Variants in AGGF1 observed in about 807,000 individuals in gnomAD.
The protein encoded by AGGF1 is angiogenic factor with G-patch and FHA domains 1.
A neutral mutation model predicts 86.5 loss-of-function variants in AGGF1; 56 were observed. That is an observed-to-expected ratio of 0.65 (90% CI 0.52 to 0.81). AGGF1 has a LOEUF of 0.81. Ranked by LOEUF, AGGF1 falls within the 30% of genes least tolerant of loss-of-function variation. The probability of loss-of-function intolerance (pLI) is 0.00; values close to 1 mark genes in which losing one functional copy is unlikely to be tolerated. For missense variants in AGGF1, 816 were observed against 850.9 expected, an observed-to-expected ratio of 0.96 and a Z score of 0.51; for synonymous variants, 313 against 297.1, an observed-to-expected ratio of 1.05 and a Z score of -0.55.
chr5:77,049,732 T>A (rs1001027639), intron 8 of AGGF1, among the ~76,000 whole-genome samples: 2 of 152,166 alleles, frequency 1.3e-5, no homozygotes, highest in East Asian at 1.9e-4. Context: ...ATGTATTTCA[T>A]AGAGATGCAG....
rs1268972191 is a variant in AGGF1 at position 77,065,116 on chromosome 5, TA to T, written c.*1868del. 1.3e-5 allele frequency: 2 copies of T among 152,200 alleles called. No homozygotes were observed. The highest frequency in any genetic ancestry group is 3.8e-4 in the East Asian group (2 of 5,196). The allele number at this position is 152,200 out of a possible 1,614,324, so 9.4% of individuals were successfully genotyped here. A position where few individuals can be genotyped will look rare whatever the true frequency, so the allele number is the denominator to read the frequency against. ...TGAATAGCAAATGAGAAAATGTATA[TA>T]AAAGCACTTTGTAAATTGTAAAAGT... On this transcript the variant is annotated 3_prime_UTR_variant, in exon 14 of 14. Coordinates refer to ENST00000312916, the MANE Select transcript of AGGF1 (RefSeq NM_018046.5).
intron 12 of AGGF1, 78 bp downstream of exon 12, chr5:77,059,821 A>C: frequency 6.5e-7 from 1 of 1,533,922 alleles, no homozygotes; most frequent in Non-Finnish European, 9.0e-7. Flanking sequence ...GTTCAGGGCT[A>C]TATATCCTGA....
chr5:77,036,271 T>C (rs1466117811), intron 3 of AGGF1, among the ~76,000 whole-genome samples: 4 of 152,354 alleles, frequency 2.6e-5, no homozygotes, highest in African/African-American at 4.8e-5. Flanking sequence ...TTAGCCAATA[T>C]TTCAGGGTCT....
At chr5:77,061,663 A>G (rs1026387849) in intron 12 of AGGF1, 40 bp from the exon 13 acceptor site, 15 of 1,546,120 alleles carry the variant, frequency 9.7e-6, no homozygotes, top group South Asian at 2.2e-5. Flanking sequence ...GACCTAAAAG[A>G]TCTTTTATAA....
At chr5:77,036,840 T>C in intron 4 of AGGF1, 120 bp downstream of exon 4, 1 of 1,069,240 alleles carries the variant, frequency 9.4e-7, no homozygotes, top group Non-Finnish European at 1.4e-6. Context: ...CAGGTTCAAG[T>C]GATTCTTATG....
intron 7 of AGGF1, 47 bp downstream of exon 7, chr5:77,048,319 A>G (rs1332042630): frequency 2.1e-6 from 3 of 1,407,702 alleles, no homozygotes; most frequent in East Asian, 4.6e-5. Context: ...TATTTCAGAA[A>G]GGCTTTATTA....
intron 4 of AGGF1, among the ~76,000 whole-genome samples, chr5:77,039,167 CT>C (rs1327273510): frequency 1.3e-5 from 2 of 151,976 alleles, no homozygotes; most frequent in Non-Finnish European, 2.9e-5. Context: ...TCAGCTTTTT[CT>C]TATGCTTGCT....
At chr5:77,038,412 A>T (rs1432273345) in intron 4 of AGGF1, among the ~76,000 whole-genome samples, 1 of 152,192 alleles carries the variant, frequency 6.6e-6, no homozygotes, top group Non-Finnish European at 1.5e-5. Flanking sequence ...TTTCTGAGTA[A>T]ATTAGGAACT....
chr5:77,044,583 C>A (rs955605214), intron 5 of AGGF1, among the ~76,000 whole-genome samples: 1 of 152,024 alleles, frequency 6.6e-6, no homozygotes, highest in Non-Finnish European at 1.5e-5. Context: ...AATAGCTTTC[C>A]CTGCATATGT....
intron 11 of AGGF1, among the ~76,000 whole-genome samples, chr5:77,057,754 C>T (rs908684517): frequency 5.9e-5 from 9 of 152,174 alleles, no homozygotes; most frequent in East Asian, 5.8e-4. Flanking sequence ...TGGAAAGCAT[C>T]GCACCTTGGG....
intron 11 of AGGF1, among the ~76,000 whole-genome samples, chr5:77,058,099 A>G (rs781762631): frequency 6.6e-6 from 1 of 152,204 alleles, no homozygotes; most frequent in Admixed American, 6.5e-5. Flanking sequence ...TTTGGGAGAG[A>G]TGGATATGTT....
intron 11 of AGGF1, among the ~76,000 whole-genome samples, chr5:77,056,226 C>CTTTTT (rs770417117): frequency 7.7e-5 from 8 of 104,504 alleles, no homozygotes; most frequent in African/African-American, 1.8e-4. Flanking sequence ...AAAGAGTGGT[C>CTTTTT]TTTTTTTTTT....
chr5:77,033,172 C>T (rs568654880), intron 1 of AGGF1, among the ~76,000 whole-genome samples: 2 of 152,234 alleles, frequency 1.3e-5, no homozygotes, highest in Admixed American at 6.5e-5. Flanking sequence ...AGGGTGGATT[C>T]GATTAACTGT....
intron 8 of AGGF1, among the ~76,000 whole-genome samples, chr5:77,050,358 G>A (rs1055321132): frequency 1.9e-5 from 2 of 104,872 alleles, no homozygotes; most frequent in Non-Finnish European, 3.5e-5. Context: ...TCTTAACTGT[G>A]TTGCCCAGGC....
At chr5:77,052,878 C>A in intron 9 of AGGF1, 71 bp downstream of exon 9, 3 of 1,245,154 alleles carry the variant, frequency 2.4e-6, no homozygotes, top group Non-Finnish European at 3.5e-6. Flanking sequence ...TTCTGAAGGG[C>A]ATAATCTTTA....
chr5:77,055,874 TAGTCC>T (rs1219480575), intron 11 of AGGF1, among the ~76,000 whole-genome samples: 3 of 152,208 alleles, frequency 2.0e-5, no homozygotes, highest in African/African-American at 4.8e-5. Context: ...CTGTAGTTTG[TAGTCC>T]CTGGTACTTG....
intron 8 of AGGF1, among the ~76,000 whole-genome samples, chr5:77,051,454 T>A (rs558352429): frequency 3.7e-4 from 56 of 151,546 alleles, no homozygotes; most frequent in African/African-American, 1.4e-3. Flanking sequence ...AAAAGAGTTT[T>A]GGTAGTAATC....
chr5:77,056,640 T>C (rs1358361073), intron 11 of AGGF1, among the ~76,000 whole-genome samples: 1 of 150,586 alleles, frequency 6.6e-6, no homozygotes, highest in Non-Finnish European at 1.5e-5. Context: ...ATAAAAATGA[T>C]CCAAAAGTGG....
At chr5:77,046,069 A>G (rs1389757536) in intron 5 of AGGF1, among the ~76,000 whole-genome samples, 2 of 152,176 alleles carry the variant, frequency 1.3e-5, no homozygotes, top group Non-Finnish European at 2.9e-5. Flanking sequence ...ACAGATTTGG[A>G]TATATTTTGA....
Sources: gnomAD v4.1 joint callset for allele counts (sites outside exome capture counted in the v4.1 genomes callset) on GRCh38, gnomAD v4.1.1 for gene constraint, MANE v1.5 for transcripts, NCBI Gene and HGNC (gene_info 2026-07-23, HGNC 2026-07-21) for gene names.